Variants in GLDN observed in about 807,000 individuals in gnomAD.
The protein encoded by GLDN is collomin.
In GLDN, 47 loss-of-function variants were observed where a neutral mutation model predicts 56.5. The observed-to-expected ratio is 0.83, with a 90% CI of 0.66 to 1.06. GLDN has a LOEUF of 1.06. Ranked by LOEUF, GLDN falls within the 50% of genes least tolerant of loss-of-function variation. The pLI is 0.00. For missense variants in GLDN, 782 were observed against 714.3 expected (o/e 1.09, Z -1.08); for synonymous variants, 332 against 278.8 (o/e 1.19, Z -1.90).
intron 4 of GLDN, among the ~76,000 whole-genome samples, chr15:51,387,271 T>C (rs2037917500): frequency 1.3e-5 from 2 of 152,140 alleles, no homozygotes; most frequent in East Asian, 3.9e-4. Context: ...ATTGGGGAAC[T>C]ACAAAAGACA....
intron 4 of GLDN, among the ~76,000 whole-genome samples, chr15:51,389,670 A>G (rs2037973822): frequency 6.6e-6 from 1 of 152,230 alleles, no homozygotes; most frequent in Admixed American, 6.5e-5. Flanking sequence ...AACAGGGCCC[A>G]GTCCCAAGAC....
chr15:51,411,090 C>A (rs916399024), downstream of GLDN, among the ~76,000 whole-genome samples: 1 of 152,188 alleles, frequency 6.6e-6, no homozygotes, highest in African/African-American at 2.4e-5. Context: ...GAAATAGGGA[C>A]TGAAAGGATA....
At position 51,350,431 on chromosome 15, in the gene GLDN, A is replaced by G. The variant is rs539779980; in HGVS notation, c.363+8384A>G. Among the ~76,000 whole-genome samples the G allele has an allele frequency of 5.9e-5, 9 of 152,324 alleles. No individual in the cohort carries two copies. The East Asian group carries it at 1.7e-3, about 29-fold the overall frequency. ...AAGGGTGACCAAAGTCATAAACCCC[A>G]TGCAGAGCCTGGGAAGTGGGTTTCC... On this transcript the variant is annotated intron_variant, in intron 1 of 9. Coordinates refer to ENST00000335449, the MANE Select transcript of GLDN (RefSeq NM_181789.4).
At chr15:51,389,374 G>A (rs73397513) in intron 4 of GLDN, among the ~76,000 whole-genome samples, 6,295 of 152,266 alleles carry the variant, frequency 0.041, 437 homozygotes, top group African/African-American at 0.14. Flanking sequence ...CATTGTGTCT[G>A]TATATAAGGG....
intron 2 of GLDN, 106 bp from the exon 3 acceptor site, chr15:51,383,330 C>G: frequency 8.3e-7 from 1 of 1,200,058 alleles, no homozygotes. Context: ...GGTGTCAAAT[C>G]CATTGCTTAG....
At chr15:51,397,116 G>A (rs962411988) in intron 5 of GLDN, among the ~76,000 whole-genome samples, 19 of 152,244 alleles carry the variant, frequency 1.2e-4, no homozygotes, top group African/African-American at 4.3e-4. Flanking sequence ...AGTGGAGAGG[G>A]CGTAGGAGGT....
At chr15:51,403,768 C>T (rs2038307774) in intron 9 of GLDN, among the ~76,000 whole-genome samples, 1 of 152,178 alleles carries the variant, frequency 6.6e-6, no homozygotes, top group Admixed American at 6.5e-5. Flanking sequence ...AAAGGAATAA[C>T]CCCCACACTT....
intron 4 of GLDN, 73 bp from the exon 5 acceptor site, chr15:51,394,762 G>A (rs965567111): frequency 2.2e-5 from 34 of 1,515,886 alleles, no homozygotes; most frequent in Non-Finnish European, 3.1e-5. Context: ...AAAGCACAAA[G>A]CACAGTAATA....
At chr15:51,398,437 G>A (rs1359532153) in intron 6 of GLDN, among the ~76,000 whole-genome samples, 1 of 152,332 alleles carries the variant, frequency 6.6e-6, no homozygotes, top group East Asian at 1.9e-4. Flanking sequence ...GGGTGACCTA[G>A]GATCCGTCAT....
chr15:51,342,048 G>C lies in GLDN; in HGVS notation c.363+1G>C, dbSNP rs556661550. 6.3e-7 allele frequency: 1 copy of C among 1,592,194 alleles called. No individual in the cohort carries two copies. Among genetic ancestry groups the C allele is most frequent in the African/African-American group, 1.4e-5 (1 of 74,066 alleles). On this transcript the variant is annotated splice_donor_variant, in intron 1 of 9. Transcript: ENST00000335449. LOFTEE classifies it high-confidence loss of function. ...GATGATGACCTACTCCATGGTGCCGGTAGGCGGGGTCTCTGTTCCCCGTGG... is the reference window on the plus strand; with the variant it reads ...GATGATGACCTACTCCATGGTGCCGCTAGGCGGGGTCTCTGTTCCCCGTGG...
At chr15:51,350,153 C>G (rs1400486476) in intron 1 of GLDN, among the ~76,000 whole-genome samples, 2 of 152,166 alleles carry the variant, frequency 1.3e-5, no homozygotes, top group African/African-American at 4.8e-5. Context: ...CAGAGGCACC[C>G]TAAGAGTGTT....
chr15:51,395,427 C>T (rs1249221103), intron 5 of GLDN, among the ~76,000 whole-genome samples: 1 of 152,136 alleles, frequency 6.6e-6, no homozygotes, highest in Non-Finnish European at 1.5e-5. Flanking sequence ...TATTGTTGTG[C>T]CAAGCCCTGG....
intron 2 of GLDN, among the ~76,000 whole-genome samples, chr15:51,382,908 T>C (rs2037798316): frequency 6.6e-6 from 1 of 152,134 alleles, no homozygotes; most frequent in Non-Finnish European, 1.5e-5. Flanking sequence ...AGGTATTTGT[T>C]ACCTGATCTG....
chr15:51,369,037 G>A (rs943255060), intron 1 of GLDN: 6 of 152,152 alleles, frequency 3.9e-5, no homozygotes, highest in African/African-American at 1.4e-4. Context: ...TGTTTGCAGA[G>A]TGCCCTCACC....
chr15:51,389,316 A>G (rs1439194567), intron 4 of GLDN, among the ~76,000 whole-genome samples: 2 of 152,228 alleles, frequency 1.3e-5, no homozygotes, highest in African/African-American at 2.4e-5. Context: ...GATGAATGAG[A>G]ATGAATTAAT....
downstream of GLDN, among the ~76,000 whole-genome samples, chr15:51,412,985 G>A (rs2038483290): frequency 6.6e-6 from 1 of 152,018 alleles, no homozygotes; most frequent in Non-Finnish European, 1.5e-5. Context: ...CAACTCCTTA[G>A]TTTAGACCAT....
chr15:51,393,059 T>G (rs1278608745), intron 4 of GLDN, among the ~76,000 whole-genome samples: 1 of 152,212 alleles, frequency 6.6e-6, no homozygotes, highest in African/African-American at 2.4e-5. Flanking sequence ...AGCTGTAGGT[T>G]TTTTTGTAGA....
intron 1 of GLDN, among the ~76,000 whole-genome samples, chr15:51,355,813 A>C (rs12593535): frequency 6.7e-6 from 1 of 149,458 alleles, no homozygotes; most frequent in Non-Finnish European, 1.5e-5. Flanking sequence ...GTGAGCCACC[A>C]CACCCGGCCC....
chr15:51,384,987 G>T (rs746043808), intron 4 of GLDN: 6 of 152,160 alleles, frequency 3.9e-5, no homozygotes, highest in Non-Finnish European at 7.3e-5. Context: ...GGGAAAAATT[G>T]TCGAGCACCT....
Sources: allele counts gnomAD v4.1 joint callset (sites outside exome capture counted in the v4.1 genomes callset), GRCh38; gene constraint gnomAD v4.1.1; transcripts MANE v1.5; gene names NCBI Gene and HGNC (gene_info 2026-07-23, HGNC 2026-07-21).